The following CPNE7 variants were observed in gnomAD, a reference collection of about 807,000 sequenced individuals.
CPNE7 encodes the protein copine 7, also known as copine-7.
Under a neutral mutation model 66.5 loss-of-function variants are expected in CPNE7, and 78 were observed. The ratio of observed to expected loss-of-function variants is 1.17; its 90% CI spans 0.98 to 1.42. The LOEUF is 1.42. CPNE7 is among the 40% of genes most tolerant of loss of function. The pLI, the probability that CPNE7 is intolerant of heterozygous loss-of-function variation, is 0.00. For missense variants in CPNE7, 1,012 were observed against 776.6 expected, an observed-to-expected ratio of 1.30 and a Z score of -3.60; for synonymous variants, 468 against 336.7, an observed-to-expected ratio of 1.39 and a Z score of -4.27.
At chr16:89,592,256 C>T (rs1277455728) in intron 13 of CPNE7, among the ~76,000 whole-genome samples, 2 of 150,846 alleles carry the variant, frequency 1.3e-5, no homozygotes, top group Non-Finnish European at 2.9e-5. Context: ...CCTCGTGATC[C>T]ACCCGCCTCG....
In CPNE7 at chr16:89,596,750, C is replaced by G; in HGVS notation, c.*129C>G. 1.7e-6 allele frequency: 2 copies of G among 1,170,532 alleles called. No homozygotes were observed. The highest frequency in any genetic ancestry group is 4.1e-5 in the South Asian group (2 of 48,322). The allele number at this position is 1,170,532 out of a possible 1,614,324, so 72.5% of individuals were successfully genotyped here. On this transcript the variant is annotated 3_prime_UTR_variant, in exon 15 of 15. Coordinates refer to ENST00000319518, the MANE Select transcript of CPNE7 (RefSeq NM_153636.3). ...CTCCAGTCCCCACCAGGCCCCACTC[C>G]CAGTCCTCCTGGGATCCTGCTGGCT...
At chr16:89,587,749 C>T (rs543717229) in intron 9 of CPNE7, 3 of 120,184 alleles carry the variant, frequency 2.5e-5, no homozygotes, top group Admixed American at 7.3e-5. Context: ...ACACGGCCCC[C>T]GTGTCACCCG....
chr16:89,583,723 C>A lies in CPNE7; in HGVS notation c.384C>A (p.Arg128=), dbSNP rs770263088. 1.2e-6 allele frequency: 2 copies of A among 1,612,822 alleles called. No individual in the cohort carries two copies. The highest frequency in any genetic ancestry group is 3.3e-5 in the Admixed American group (2 of 60,024). ...GQIVAQKKVT[R]PLLLKFGRNA... is the part of the protein sequence containing the mutation. ...TTGTGGCCCAGAAGAAGGTGACCCG[C>A]CCGCTGCTGCTCAAGTTTGGCAGGA... Residue 128 remains arginine, a synonymous_variant, in exon 3 of 15, where the codon CGC becomes CGA. Coordinates refer to ENST00000319518, the MANE Select transcript of CPNE7 (RefSeq NM_153636.3).
At chr16:89,583,200 C>T (rs564089759) in intron 2 of CPNE7, among the ~76,000 whole-genome samples, 82 of 151,978 alleles carry the variant, frequency 5.4e-4, no homozygotes, top group African/African-American at 1.9e-3. Flanking sequence ...GGTCCTGGGC[C>T]GGCACCTCGC....
At chr16:89,578,067 CTTTT>C (rs11340227) in intron 2 of CPNE7, among the ~76,000 whole-genome samples, 9 of 113,568 alleles carry the variant, frequency 7.9e-5, no homozygotes, top group Non-Finnish European at 1.6e-4. Flanking sequence ...TTTTCTTTTT[CTTTT>C]TTTTTTTTTT....
At position 89,584,691 on chromosome 16, in the gene CPNE7, G is replaced by C; in HGVS notation, c.508-83G>C. On this transcript the variant is annotated intron_variant, in intron 4 of 14. Coordinates refer to ENST00000319518, the MANE Select transcript of CPNE7 (RefSeq NM_153636.3). The surrounding 1 kb of genome is among the most constrained non-coding windows in gnomAD (Gnocchi z 6.0). ...ATTAGCGGCTGGTGGCATGAAGTGA[G>C]CCCTGGGAAACGACAAAGCCAGCTC... 1 of 1,011,620 alleles carries C rather than the reference G, an allele frequency of 9.9e-7. No homozygotes were observed. 62.7% of individuals were successfully genotyped at this position (1,011,620 alleles called of 1,614,324 possible).
In CPNE7 at chr16:89,588,752, G is replaced by T. The variant is rs149655987; in HGVS notation, c.1005G>T (p.Pro335=). 6.2e-7 allele frequency: 1 copy of T among 1,613,714 alleles called. No homozygotes were observed. The highest frequency in any genetic ancestry group is 2.2e-5 in the East Asian group (1 of 44,882). ...TGCACTACATCAACCCCTACCAGCC[G>T]AACGAGTACCTGAAGGCACTGGTGT... ...CSLHYINPYQ[P]NEYLKALVSV... Residue 335 remains proline, a synonymous_variant, in exon 10 of 15, where the codon CCG becomes CCT. Coordinates refer to ENST00000319518, the MANE Select transcript of CPNE7 (RefSeq NM_153636.3).
rs1216499398 is a variant in CPNE7, at chr16:89,576,027, C to A, written c.130C>A (p.Pro44Thr). ...CCGCGACCCGCTCACCAAGTCCGAC[C>A]CCAGCGTGGCGTTGCTGCAGCAGGC... Reference protein sequence around the residue: ...LDRDPLTKSDPSVALLQQAQG... With the variant: ...LDRDPLTKSDTSVALLQQAQG... Residue 44 changes from proline to threonine, a missense_variant, in exon 1 of 15, where the codon CCC becomes ACC. Coordinates refer to ENST00000319518, the MANE Select transcript of CPNE7 (RefSeq NM_153636.3). 2 of 1,343,982 alleles carry A rather than the reference C, an allele frequency of 1.5e-6. No individual in the cohort carries two copies. Among genetic ancestry groups the A allele is most frequent in the South Asian group, 3.6e-5 (2 of 55,526 alleles). The allele number at this position is 1,343,982 out of a possible 1,614,324, so 83.3% of individuals were successfully genotyped here. A position where few individuals can be genotyped will look rare whatever the true frequency, so the allele number is the denominator to read the frequency against.
Position 89,583,731 on chromosome 16 carries a change from T to C in CPNE7, c.392T>C (p.Leu131Pro). The change falls in exon 3 of 15, where the codon CTG becomes CCG. Residue 131 changes from leucine to proline, a missense_variant. Leu to Pro is a moderately conservative substitution (Grantham distance 98, BLOSUM62 -3). Coordinates refer to ENST00000319518, the MANE Select transcript of CPNE7 (RefSeq NM_153636.3). ...VAQKKVTRPL[L>P]LKFGRNAGKS... ...CAGAAGAAGGTGACCCGCCCGCTGC[T>C]GCTCAAGTTTGGCAGGAACGCTGGC... 6.2e-7 allele frequency: 1 copy of C among 1,612,790 alleles called. No individual in the cohort carries two copies. Among genetic ancestry groups the C allele is most frequent in the South Asian group, 1.1e-5 (1 of 91,090 alleles).
Position 89,575,997 on chromosome 16 carries a change from C to G in CPNE7, c.100C>G (p.Leu34Val). Residue 34 changes from leucine (L) to valine (V), a missense_variant, in exon 1 of 15, where the codon CTG becomes GTG. By Grantham distance (32) the Leu-to-Val change is conservative. Coordinates refer to ENST00000319518, the MANE Select transcript of CPNE7 (RefSeq NM_153636.3). The stretch of plus-strand genomic sequence containing the variant: ...GCTGCGGCTCAGCTGCCGGCACCTG[C>G]TGGACCGCGACCCGCTCACCAAGTC... ...VELRLSCRHL[L>V]DRDPLTKSDP... 2.9e-6 allele frequency: 4 copies of G among 1,379,096 alleles called. No individual in the cohort carries two copies. In the East Asian group the frequency reaches 1.2e-4, roughly 42 times the overall value. 85.4% of individuals were successfully genotyped at this position (1,379,096 alleles called of 1,614,324 possible).
intron 10 of CPNE7, among the ~76,000 whole-genome samples, chr16:89,589,434 G>A (rs951699460): frequency 3.3e-5 from 5 of 152,202 alleles, no homozygotes; most frequent in Non-Finnish European, 5.9e-5. Flanking sequence ...GGGCTCACCC[G>A]CGTATGCTTT....
chr16:89,591,846 G>T (rs2889542), intron 13 of CPNE7, among the ~76,000 whole-genome samples: 80,662 of 150,982 alleles, frequency 0.53, 23,437 homozygotes, highest in Non-Finnish European at 0.65. Context: ...GACTACAGGC[G>T]CCCGCCACCA....
intron 9 of CPNE7, 78 bp from the exon 10 acceptor site, chr16:89,588,597 G>T (rs1182658917): frequency 6.3e-7 from 1 of 1,582,486 alleles, no homozygotes. Flanking sequence ...GCCACTCTGG[G>T]CGTGGTTTCT....
In CPNE7 at chr16:89,575,948, C is replaced by T. The variant is rs750769364; in HGVS notation, c.51C>T (p.Pro17=). 4.5e-6 allele frequency: 6 copies of T among 1,338,756 alleles called. No individual in the cohort carries two copies. The highest frequency in any genetic ancestry group is 5.7e-6 in the Non-Finnish European group (6 of 1,044,582). The allele number at this position is 1,338,756 out of a possible 1,614,324, so 82.9% of individuals were successfully genotyped here. ...RGAAATPGGL[P]APCASKVELR... ...CGGCGGCAACCCCCGGGGGTTTGCC[C>T]GCGCCCTGCGCCTCGAAGGTGGAGC... The change falls in exon 1 of 15, where the codon CCC becomes CCT. Residue 17 remains proline, a synonymous_variant. Transcript: ENST00000319518.
rs1379696488 is a variant in CPNE7 at position 89,576,095 on chromosome 16, G to T, written c.174+24G>T. The T allele has an allele frequency of 4.8e-6, 6 of 1,244,728 alleles. No individual in the cohort carries two copies. In the East Asian group the frequency reaches 1.9e-4, roughly 39 times the overall value. 77.1% of individuals were successfully genotyped at this position (1,244,728 alleles called of 1,614,324 possible). ...AGGTAGGGCCGGGGCGTGGGAGGCC[G>T]AGAGGCCACCGGGCCGGGGCTGGCG... On this transcript the variant is annotated intron_variant, in intron 1 of 14. Coordinates refer to ENST00000319518, the MANE Select transcript of CPNE7 (RefSeq NM_153636.3).
chr16:89,581,885 T>A (rs2058963894), intron 2 of CPNE7, among the ~76,000 whole-genome samples: 1 of 152,170 alleles, frequency 6.6e-6, no homozygotes, highest in African/African-American at 2.4e-5. Flanking sequence ...GGCTCACCGA[T>A]CCACCCACCC....
intron 8 of CPNE7, 81 bp downstream of exon 8, chr16:89,586,837 C>T (rs2059048452): frequency 1.5e-6 from 2 of 1,334,294 alleles, no homozygotes; most frequent in South Asian, 2.4e-5. Context: ...GATGGACCCT[C>T]AACCAGAGGC....
intron 2 of CPNE7, among the ~76,000 whole-genome samples, chr16:89,579,681 A>G (rs1458007701): frequency 6.9e-6 from 1 of 144,702 alleles, no homozygotes; most frequent in East Asian, 2.0e-4. Flanking sequence ...ATCACATGGA[A>G]CATCCCGTCA....
At chr16:89,583,483 C>G in intron 2 of CPNE7, 3 of 1,553,036 alleles carry the variant, frequency 1.9e-6, no homozygotes, top group Non-Finnish European at 2.6e-6. Flanking sequence ...CTGCTGGCGC[C>G]GTGAGGTGGT....
Sources: gnomAD v4.1 joint callset for allele counts (sites outside exome capture counted in the v4.1 genomes callset) on GRCh38, gnomAD v4.1.1 for gene constraint, Gnocchi (gnomAD v3.1) non-coding constraint, MANE v1.5 for transcripts, NCBI Gene and HGNC (gene_info 2026-07-23, HGNC 2026-07-21) for gene names.